Variants in AGBL1 observed in about 807,000 individuals in gnomAD.
AGBL1 encodes the protein AGBL carboxypeptidase 1, also known as cytosolic carboxypeptidase 4.
A neutral mutation model predicts 118.9 loss-of-function variants in AGBL1; 130 were observed. That is an observed-to-expected ratio of 1.09 (90% CI 0.95 to 1.26). The LOEUF is 1.26. Ranked by LOEUF, AGBL1 falls within the 50% of genes most tolerant of loss-of-function variation. The probability of loss-of-function intolerance (pLI) is 0.00; values close to 1 mark genes in which losing one functional copy is unlikely to be tolerated. For missense variants in AGBL1, 1,584 were observed against 1,298.1 expected (o/e 1.22, Z -3.38); for synonymous variants, 555 against 478.9 (o/e 1.16, Z -2.08).
chr15:87,022,961 G>A (rs760146823), intron 24 of AGBL1, among the ~76,000 whole-genome samples: 4 of 151,910 alleles, frequency 2.6e-5, no homozygotes, highest in Admixed American at 6.6e-5. Flanking sequence ...TTTTCAAAAA[G>A]TGCTCTAAAT....
chr15:86,341,173 G>A (rs978654055), intron 17 of AGBL1, among the ~76,000 whole-genome samples: 119 of 152,322 alleles, frequency 7.8e-4, no homozygotes, highest in African/African-American at 2.8e-3. Flanking sequence ...GTGCTTCATT[G>A]GGACCTGTCC....
At chr15:86,535,340 G>A (rs1049021295) in intron 19 of AGBL1, among the ~76,000 whole-genome samples, 1 of 152,228 alleles carries the variant, frequency 6.6e-6, no homozygotes, top group Non-Finnish European at 1.5e-5. Context: ...CATGGCCAAG[G>A]AGGCAGATGA....
At chr15:86,082,022 A>G (rs1045381426) in intron 1 of AGBL1, among the ~76,000 whole-genome samples, 3 of 152,180 alleles carry the variant, frequency 2.0e-5, no homozygotes, top group African/African-American at 7.2e-5. Flanking sequence ...CATTATGATA[A>G]CAGGAGCACG....
chr15:86,527,782 T>C (rs957867433), intron 19 of AGBL1, among the ~76,000 whole-genome samples: 1 of 152,226 alleles, frequency 6.6e-6, no homozygotes, highest in Non-Finnish European at 1.5e-5. Context: ...AAAAAGAATG[T>C]GGTACTGTGA....
At chr15:86,654,142 G>A (rs2085423836) in intron 21 of AGBL1, among the ~76,000 whole-genome samples, 1 of 152,040 alleles carries the variant, frequency 6.6e-6, no homozygotes, top group African/African-American at 2.4e-5. Flanking sequence ...TGTCTCTATG[G>A]GCCAAGCAGA....
intron 18 of AGBL1, among the ~76,000 whole-genome samples, chr15:86,458,274 A>G (rs1425149473): frequency 6.6e-6 from 1 of 152,098 alleles, no homozygotes; most frequent in African/African-American, 2.4e-5. Context: ...AATAACTATA[A>G]TAATTTTATT....
chr15:86,473,570 G>T (rs1325490922), intron 18 of AGBL1, among the ~76,000 whole-genome samples: 1 of 151,800 alleles, frequency 6.6e-6, no homozygotes, highest in African/African-American at 2.4e-5. Context: ...TTTTAAAAAA[G>T]GTCATGTGTA....
intron 18 of AGBL1, among the ~76,000 whole-genome samples, chr15:86,488,530 C>A (rs1391636454): frequency 6.6e-6 from 1 of 152,154 alleles, no homozygotes; most frequent in East Asian, 1.9e-4. Context: ...AAGATAAAAT[C>A]TATGGGGTCA....
At chr15:86,159,162 T>A in intron 5 of AGBL1, 136 bp downstream of exon 5, 1 of 791,556 alleles carries the variant, frequency 1.3e-6, no homozygotes, top group Non-Finnish European at 2.1e-6. Context: ...ACCATGTCTT[T>A]ATCCTTTCTC....
intron 21 of AGBL1, among the ~76,000 whole-genome samples, chr15:86,632,412 C>T (rs2084988686): frequency 6.6e-6 from 1 of 152,040 alleles, no homozygotes; most frequent in South Asian, 2.1e-4. Context: ...CATTGCACTC[C>T]AGCCTGGGCA....
chr15:86,670,449 C>CA lies in AGBL1; in HGVS notation c.2995-3819dup, dbSNP rs555076231. 6.6e-3 allele frequency among the ~76,000 whole-genome samples: 1,009 copies of CA among 151,872 alleles called. 8 individuals are homozygous for CA. The highest frequency in any genetic ancestry group is 0.021 in the East Asian group (106 of 5,128). On this transcript the variant is annotated intron_variant, in intron 21 of 22. Transcript: ENST00000614907. Reference sequence around the variant, plus strand: ...TGAAACCCTGTCTCTACTCAAAATACAAAAATTAGCTGGGTGTGGTGGCAG... The same window carrying CA: ...TGAAACCCTGTCTCTACTCAAAATACAAAAAATTAGCTGGGTGTGGTGGCAG...
chr15:86,507,014 T>G (rs2082985637), intron 18 of AGBL1, among the ~76,000 whole-genome samples: 1 of 152,174 alleles, frequency 6.6e-6, no homozygotes, highest in South Asian at 2.1e-4. Context: ...CCCAGTGAAC[T>G]GAAGATGACA....
chr15:86,990,370 C>T (rs974232992), intron 24 of AGBL1, among the ~76,000 whole-genome samples: 1 of 152,178 alleles, frequency 6.6e-6, no homozygotes, highest in Middle Eastern at 3.4e-3. Context: ...CAAAAATTAG[C>T]CACGCGTGTG....
chr15:86,835,849 G>T (rs2079163547), intron 22 of AGBL1, among the ~76,000 whole-genome samples: 1 of 152,162 alleles, frequency 6.6e-6, no homozygotes, highest in South Asian at 2.1e-4. Flanking sequence ...ATCATGCACA[G>T]AAATATGTGT....
chr15:86,154,574 A>G lies in AGBL1; in HGVS notation c.394+13A>G. 1.9e-6 allele frequency: 3 copies of G among 1,595,012 alleles called. No homozygotes were observed. Among genetic ancestry groups the G allele is most frequent in the South Asian group, 1.1e-5 (1 of 88,840 alleles). ...TTTGCCTCCAGTGGTAAGTGACTCT[A>G]TTGTGGCTCTCGGGGATGGCTTCCA... On this transcript the variant is annotated intron_variant, in intron 4 of 22. Coordinates refer to ENST00000614907, the MANE Select transcript of AGBL1 (RefSeq NM_001386094.1).
At chr15:86,363,988 T>A (rs1328998934) in intron 17 of AGBL1, among the ~76,000 whole-genome samples, 1 of 152,194 alleles carries the variant, frequency 6.6e-6, no homozygotes, top group Admixed American at 6.5e-5. Flanking sequence ...ATAATTTCTT[T>A]CAGGTGAGCA....
chr15:86,686,196 T>C (rs1396612133), intron 22 of AGBL1, among the ~76,000 whole-genome samples: 1 of 152,190 alleles, frequency 6.6e-6, no homozygotes, highest in Non-Finnish European at 1.5e-5. Flanking sequence ...GTTTGCTTTT[T>C]AAAGGATTGA....
At chr15:86,394,887 C>G (rs528234443) in intron 17 of AGBL1, among the ~76,000 whole-genome samples, 1 of 152,270 alleles carries the variant, frequency 6.6e-6, no homozygotes, top group South Asian at 2.1e-4. Context: ...CACATGGCCA[C>G]TCCTACCTAC....
At chr15:86,647,426 C>T (rs534325542) in intron 21 of AGBL1, among the ~76,000 whole-genome samples, 8 of 152,278 alleles carry the variant, frequency 5.3e-5, no homozygotes, top group South Asian at 2.1e-4. Context: ...TCTGGCTGGG[C>T]GCAGCGCCTT....
Sources: allele counts gnomAD v4.1 joint callset (sites outside exome capture counted in the v4.1 genomes callset), GRCh38; gene constraint gnomAD v4.1.1; transcripts MANE v1.5; gene names NCBI Gene and HGNC (gene_info 2026-07-23, HGNC 2026-07-21).